STPG2: variants seen among roughly 807,000 people sequenced by gnomAD.
STPG2 encodes sperm tail PG-rich repeat containing 2, also known as sperm-tail PG-rich repeat-containing protein 2.
In STPG2, 56 loss-of-function variants were observed where a neutral mutation model predicts 54.2. The ratio of observed to expected loss-of-function variants is 1.03; its 90% confidence interval spans 0.83 to 1.29. The LOEUF is 1.29. Ranked by LOEUF, STPG2 falls within the 50% of genes most tolerant of loss-of-function variation. The pLI, the probability that STPG2 is intolerant of heterozygous loss-of-function variation, is 0.00. For synonymous variants in STPG2, 200 were observed against 181.8 expected (o/e 1.10, Z -0.81); for missense variants, 596 against 544.9 (o/e 1.09, Z -0.93).
At chr4:97,805,541 T>C (rs1727532130) in intron 9 of STPG2, among the ~76,000 whole-genome samples, 1 of 152,152 alleles carries the variant, frequency 6.6e-6, no homozygotes, top group Non-Finnish European at 1.5e-5. Flanking sequence ...ATGCCTCATA[T>C]GTTTGTTGGC....
At chr4:98,036,091 TAATAAAAATAAATAAATTTTTAAAAACAC>T (rs1736770475) in intron 5 of STPG2, among the ~76,000 whole-genome samples, 1 of 151,808 alleles carries the variant, frequency 6.6e-6, no homozygotes, top group Non-Finnish European at 1.5e-5. Flanking sequence ...ACTTAAAGTA[TAATAAAAATAAATAAATTTTTAAAAACAC>T]AATACTCAAA....
chr4:97,560,319 C>T (rs1054475763), intron 10 of STPG2, among the ~76,000 whole-genome samples: 1 of 152,164 alleles, frequency 6.6e-6, no homozygotes, highest in South Asian at 2.1e-4. Flanking sequence ...GCTCTGTCAT[C>T]AATCATATTG....
intron 8 of STPG2, among the ~76,000 whole-genome samples, chr4:97,876,516 T>C (rs1420053325): frequency 6.6e-6 from 1 of 152,096 alleles, no homozygotes; most frequent in Non-Finnish European, 1.5e-5. Context: ...AAGGTAATTA[T>C]AAAGTCCTCA....
chr4:97,946,621 T>G (rs993310904), intron 7 of STPG2, among the ~76,000 whole-genome samples: 2 of 152,206 alleles, frequency 1.3e-5, no homozygotes, highest in Non-Finnish European at 2.9e-5. Context: ...AGCTATTCAG[T>G]TTTCCCAGGA....
At chr4:97,726,724 G>A (rs1016183663) in intron 9 of STPG2, among the ~76,000 whole-genome samples, 1 of 151,606 alleles carries the variant, frequency 6.6e-6, no homozygotes, top group Non-Finnish European at 1.5e-5. Context: ...AATTAATAAG[G>A]AAAAGTTTAT....
At chr4:97,846,612 A>G (rs1316444853) in intron 8 of STPG2, among the ~76,000 whole-genome samples, 1 of 130,704 alleles carries the variant, frequency 7.7e-6, no homozygotes, top group Non-Finnish European at 1.6e-5. Flanking sequence ...CAACAGTGTG[A>G]GACTCCACCT....
intron 8 of STPG2, among the ~76,000 whole-genome samples, chr4:97,868,948 A>C (rs145308530): frequency 6.6e-6 from 1 of 151,968 alleles, no homozygotes; most frequent in Non-Finnish European, 1.5e-5. Flanking sequence ...GAGTTATCTT[A>C]TCTCACATTA....
intron 9 of STPG2, among the ~76,000 whole-genome samples, chr4:97,723,998 G>C (rs1446237318): frequency 1.3e-5 from 2 of 152,162 alleles, no homozygotes; most frequent in African/African-American, 4.8e-5. Flanking sequence ...AGTTTTCCCA[G>C]TATGTCAACT....
chr4:98,036,968 C>T (rs1736798531), intron 5 of STPG2, among the ~76,000 whole-genome samples: 1 of 151,918 alleles, frequency 6.6e-6, no homozygotes, highest in Admixed American at 6.6e-5. Context: ...TTTATGCAAA[C>T]TAGAATTAGC....
intron 9 of STPG2, among the ~76,000 whole-genome samples, chr4:97,782,774 C>T (rs1726690213): frequency 1.3e-5 from 2 of 152,240 alleles, no homozygotes; most frequent in Non-Finnish European, 2.9e-5. Context: ...GAAATAATAT[C>T]ACACATCTAC....
At chr4:97,874,218 T>A (rs2149158262) in intron 8 of STPG2, among the ~76,000 whole-genome samples, 1 of 151,780 alleles carries the variant, frequency 6.6e-6, no homozygotes, top group South Asian at 2.1e-4. Flanking sequence ...ACTTAGGGAA[T>A]CCATTATTTC....
intron 4 of STPG2, among the ~76,000 whole-genome samples, chr4:97,521,240 AT>A (rs2148847183): frequency 6.6e-6 from 1 of 152,216 alleles, no homozygotes; most frequent in South Asian, 2.1e-4. Flanking sequence ...GCTTAAAAAA[AT>A]AATGAATGAC....
At chr4:97,551,622 C>G (rs553542610) in intron 4 of STPG2, among the ~76,000 whole-genome samples, 1 of 152,344 alleles carries the variant, frequency 6.6e-6, no homozygotes, top group South Asian at 2.1e-4. Flanking sequence ...ATTTTCATCT[C>G]TATTGAATAT....
chr4:98,100,686 T>C (rs1208083752), intron 5 of STPG2, among the ~76,000 whole-genome samples: 1 of 147,692 alleles, frequency 6.8e-6, no homozygotes, highest in African/African-American at 2.5e-5. Flanking sequence ...TTTTTTTTTT[T>C]TGTTTTTGAG....
chr4:97,872,053 AT>A (rs1353603791), intron 8 of STPG2, among the ~76,000 whole-genome samples: 1 of 151,144 alleles, frequency 6.6e-6, no homozygotes, highest in African/African-American at 2.4e-5. Flanking sequence ...TGATCATCTC[AT>A]AAATGTTAGA....
intron 10 of STPG2, among the ~76,000 whole-genome samples, chr4:97,687,312 C>A (rs1382969458): frequency 1.5e-5 from 2 of 132,120 alleles, no homozygotes; most frequent in African/African-American, 3.0e-5. Flanking sequence ...CAAGTGTATG[C>A]ACTGAATCTT....
intron 9 of STPG2, among the ~76,000 whole-genome samples, chr4:97,786,970 T>TA (rs1261729376): frequency 6.6e-6 from 1 of 152,146 alleles, no homozygotes; most frequent in Non-Finnish European, 1.5e-5. Context: ...TACATTCCAG[T>TA]ACTGCCCATG....
At chr4:97,728,420 A>G (rs192469568) in intron 9 of STPG2, among the ~76,000 whole-genome samples, 1 of 152,202 alleles carries the variant, frequency 6.6e-6, no homozygotes, top group African/African-American at 2.4e-5. Flanking sequence ...AAAATTTCCT[A>G]TGAAGCAAAA....
Position 97,525,536 on chromosome 4 carries a change from C to T in STPG2, c.462+187163G>A, listed in dbSNP as rs551722999. The stretch of plus-strand genomic sequence containing the variant: ...AGCTGACTTACAAGCAAATTAGTTG[C>T]TTGCCAGAATAAACATCTACACTGT... On this transcript the variant is annotated intron_variant, in intron 4 of 4. Coordinates refer to the STPG2 transcript ENST00000522676. 2.6e-5 allele frequency among the ~76,000 whole-genome samples: 4 copies of T among 151,558 alleles called. No individual in the cohort carries two copies. The East Asian group carries it at 7.8e-4, about 29-fold the overall frequency.
Sources: gnomAD v4.1 joint callset for allele counts (sites outside exome capture counted in the v4.1 genomes callset) on GRCh38, gnomAD v4.1.1 for gene constraint, MANE v1.5 for transcripts, NCBI Gene and HGNC (gene_info 2026-07-23, HGNC 2026-07-21) for gene names.